The following SERPINA6 variants were observed in gnomAD, a reference collection of about 807,000 sequenced individuals.
The protein encoded by SERPINA6 is serpin family A member 6.
SERPINA6 carries 19 observed loss-of-function variants against 26.4 expected under a neutral mutation model. The ratio of observed to expected loss-of-function variants is 0.72; its 90% CI spans 0.50 to 1.06. SERPINA6 has a LOEUF of 1.06. Among genes scored for constraint, SERPINA6 ranks in the 50% least tolerant of loss-of-function variants. The pLI is 0.00. For missense variants in SERPINA6, 473 were observed against 504.0 expected (o/e 0.94, Z 0.59); for synonymous variants, 196 against 199.4 (o/e 0.98, Z 0.14).
chr14:94,306,315 A>T, intron 3 of SERPINA6, 97 bp from the exon 4 acceptor site: 2 of 1,311,132 alleles, frequency 1.5e-6, no homozygotes, highest in Non-Finnish European at 2.2e-6. Context: ...TTATTTCCTC[A>T]TGCGCTCCCT....
At chr14:94,316,042 C>T (rs1895609246) in intron 1 of SERPINA6, among the ~76,000 whole-genome samples, 1 of 152,116 alleles carries the variant, frequency 6.6e-6, no homozygotes, top group South Asian at 2.1e-4. Flanking sequence ...TCACTCATTC[C>T]ATAAGTTTTG....
chr14:94,304,536 G>T lies in SERPINA6; in HGVS notation c.1100C>A (p.Thr367Asn), dbSNP rs763129780. The change falls in exon 5 of 5, where the codon ACC (threonine) becomes AAC (asparagine). Residue 367 changes from threonine (T) to asparagine (N), a missense_variant. Thr to Asn is a moderately conservative substitution (Grantham distance 65, BLOSUM62 0). Coordinates refer to ENST00000341584, the MANE Select transcript of SERPINA6 (RefSeq NM_001756.4). The stretch of plus-strand genomic sequence containing the variant: ...GATAGGCTTGGACGTCAGGTTTAGG[G>T]TGACCCCAGTGGAGCCAGCTGTGTC... ...GVDTAGSTGV[T>N]LNLTSKPIIL... The T allele has an allele frequency of 1.2e-6, 2 of 1,614,070 alleles. No individual in the cohort carries two copies. Among genetic ancestry groups the T allele is most frequent in the Non-Finnish European group, 1.7e-6 (2 of 1,180,034 alleles).
intron 2 of SERPINA6, among the ~76,000 whole-genome samples, chr14:94,313,595 G>T (rs981752954): frequency 5.3e-5 from 8 of 152,178 alleles, no homozygotes. Context: ...AGGTTTTTAT[G>T]AACAGGAAGA....
In SERPINA6 at chr14:94,309,891, A is replaced by G; in HGVS notation, c.729T>C (p.Leu243=). Residue 243 remains leucine (L), a synonymous_variant, in exon 3 of 5, where the codon CTT becomes CTC. Coordinates refer to ENST00000341584, the MANE Select transcript of SERPINA6 (RefSeq NM_001756.4). The part of the protein sequence containing the change: ...MMLQSSTISY[L]HDSELPCQLV... ...GCTGGCAGGGGAGCTCCGAGTCATG[A>G]AGGTAACTGATGGTGCTCGACTGCA... 3 of 1,614,124 alleles carry G rather than the reference A, an allele frequency of 1.9e-6. No homozygotes were observed. Among genetic ancestry groups the G allele is most frequent in the Non-Finnish European group, 2.5e-6 (3 of 1,180,018 alleles).
rs150253334 is a variant in SERPINA6 at position 94,314,349 on chromosome 14, C to T, written c.300G>A (p.Arg100=). Residue 100 remains arginine (R), a synonymous_variant, in exon 2 of 5, where the codon AGG becomes AGA. Coordinates refer to ENST00000341584, the MANE Select transcript of SERPINA6 (RefSeq NM_001756.4). ...LQGLGFNLTE[R]SETEIHQGFQ... ...AACCCTGGTGGATCTCAGTCTCAGA[C>T]CTCTCAGTGAGGTTGAAACCCAGGC... 200 of 1,614,174 alleles carry T rather than the reference C, an allele frequency of 1.2e-4. No homozygotes were observed. The African/African-American group carries it at 1.7e-3, about 14-fold the overall frequency.
intron 1 of SERPINA6, among the ~76,000 whole-genome samples, chr14:94,318,676 G>A (rs1895644138): frequency 6.6e-6 from 1 of 151,984 alleles, no homozygotes; most frequent in South Asian, 2.1e-4. Flanking sequence ...ATAGATCAAT[G>A]ACCTAAAGAT....
rs1203190476 is a variant in SERPINA6, at chr14:94,306,083, C to T, written c.1020G>A (p.Leu340=). The T allele has an allele frequency of 3.7e-6, 6 of 1,614,050 alleles. No individual in the cohort carries two copies. Among genetic ancestry groups the T allele is most frequent in the African/African-American group, 2.7e-5 (2 of 74,928 alleles). The change falls in exon 4 of 5, where the codon CTG becomes CTA. Residue 340 remains leucine, a synonymous_variant. Transcript: ENST00000341584. ...NFSRITQDAQ[L]KSSKVVHKAV... ...CCATGACATTTACCTTTGATGACTT[C>T]AGCTGGGCGTCCTGGGTGATGCGTG... is the stretch of plus-strand genomic sequence containing the variant.
intron 4 of SERPINA6, among the ~76,000 whole-genome samples, chr14:94,304,850 T>A (rs1213584313): frequency 1.3e-5 from 2 of 152,132 alleles, no homozygotes; most frequent in African/African-American, 2.4e-5. Context: ...CACATGGAGA[T>A]TAGAAGTCTC....
At chr14:94,310,177 C>A (rs1478015445) in intron 2 of SERPINA6, among the ~76,000 whole-genome samples, 171 bp from the exon 3 acceptor site, 2 of 152,194 alleles carry the variant, frequency 1.3e-5, no homozygotes, top group Non-Finnish European at 2.9e-5. Flanking sequence ...AATTTAAATC[C>A]TGTTTCATCC....
Position 94,314,029 on chromosome 14 carries a change from G to A in SERPINA6, c.613+7C>T. 6.2e-7 allele frequency: 1 copy of A among 1,614,106 alleles called. No homozygotes were observed. The highest frequency in any genetic ancestry group is 8.5e-7 in the Non-Finnish European group (1 of 1,180,008). The stretch of plus-strand genomic sequence containing the variant: ...ATGGGCCTTCAGATGGGGATGGGTG[G>A]GAATACCTTTGAAGAAGATATAGTT... On this transcript the variant is annotated splice_region_variant and intron_variant, in intron 2 of 4. Coordinates refer to ENST00000341584, the MANE Select transcript of SERPINA6 (RefSeq NM_001756.4).
intron 3 of SERPINA6, among the ~76,000 whole-genome samples, chr14:94,306,724 G>A (rs1414598528): frequency 2.0e-5 from 3 of 152,214 alleles, no homozygotes; most frequent in African/African-American, 7.2e-5. Flanking sequence ...TCCCAGGGCA[G>A]GTGGGTGCGA....
chr14:94,306,265 G>A, intron 3 of SERPINA6, 47 bp from the exon 4 acceptor site: 1 of 1,608,242 alleles, frequency 6.2e-7, no homozygotes. Flanking sequence ...GGCTGGGCCT[G>A]GCAGAGGGGA....
intron 2 of SERPINA6, among the ~76,000 whole-genome samples, chr14:94,310,553 C>G (rs1325938915): frequency 1.3e-5 from 2 of 152,142 alleles, no homozygotes; most frequent in African/African-American, 4.8e-5. Flanking sequence ...CCCAGCAGGC[C>G]CTCAAGTCCC....
chr14:94,314,637 G>A lies in SERPINA6; in HGVS notation c.12C>T (p.Leu4=). 1 of 1,613,564 alleles carries A rather than the reference G, an allele frequency of 6.2e-7. No homozygotes were observed. MPL[L]LYTCLLWLPT... is the part of the protein sequence containing the mutation. ...GCAGCCAGAGAAGACAGGTGTACAG[G>A]AGGAGTGGCATTGTCCAGTATAGCC... The change falls in exon 2 of 5, where the codon CTC becomes CTT. Residue 4 remains leucine (L), a synonymous_variant. Coordinates refer to ENST00000341584, the MANE Select transcript of SERPINA6 (RefSeq NM_001756.4).
At chr14:94,319,164 G>A (rs1895650739) in intron 1 of SERPINA6, among the ~76,000 whole-genome samples, 1 of 152,156 alleles carries the variant, frequency 6.6e-6, no homozygotes, top group Admixed American at 6.5e-5. Flanking sequence ...AAAACAATAA[G>A]TTGGCACACC....
intron 1 of SERPINA6, among the ~76,000 whole-genome samples, chr14:94,317,202 T>C (rs1363780043): frequency 3.3e-5 from 5 of 152,192 alleles, no homozygotes; most frequent in African/African-American, 1.2e-4. Context: ...TTTATTTCTG[T>C]AATGCAAGGA....
At chr14:94,311,045 C>T (rs1299511117) in intron 2 of SERPINA6, among the ~76,000 whole-genome samples, 1 of 152,202 alleles carries the variant, frequency 6.6e-6, no homozygotes, top group Non-Finnish European at 1.5e-5. Context: ...GGTTCTAAGC[C>T]AGCCACAAAC....
At chr14:94,310,954 G>T (rs931386841) in intron 2 of SERPINA6, among the ~76,000 whole-genome samples, 2 of 152,214 alleles carry the variant, frequency 1.3e-5, no homozygotes, top group African/African-American at 2.4e-5. Context: ...GCTCCCTAAA[G>T]GTGGCCAGAA....
intron 2 of SERPINA6, among the ~76,000 whole-genome samples, chr14:94,311,242 G>A (rs995091489): frequency 6.6e-6 from 1 of 152,152 alleles, no homozygotes; most frequent in African/African-American, 2.4e-5. Context: ...CACGGCAAAT[G>A]AGATTATTTG....
Sources: allele counts gnomAD v4.1 joint callset (sites outside exome capture counted in the v4.1 genomes callset), GRCh38; gene constraint gnomAD v4.1.1; transcripts MANE v1.5; gene names NCBI Gene and HGNC (gene_info 2026-07-23, HGNC 2026-07-21).